The following TDRD5 variants were observed in gnomAD, a reference collection of about 807,000 sequenced individuals.
TDRD5 encodes tudor domain-containing protein 5.
In TDRD5, 41 loss-of-function variants were observed where a neutral mutation model predicts 120.6. That is an observed-to-expected ratio of 0.34 (90% CI 0.26 to 0.44). The LOEUF (loss-of-function observed/expected upper bound fraction) is 0.44, where lower values mean the gene tolerates loss of function less well. Among genes scored for constraint, TDRD5 ranks in the 20% least tolerant of loss-of-function variants. TDRD5 has a pLI of 1.00. For synonymous variants in TDRD5, 430 were observed against 433.7 expected, an observed-to-expected ratio of 0.99 and a Z score of 0.11; for missense variants, 1,006 against 1,221.2, an observed-to-expected ratio of 0.82 and a Z score of 2.63.
At chr1:179,617,995 C>G (rs1175631295) in intron 4 of TDRD5, among the ~76,000 whole-genome samples, 2 of 152,092 alleles carry the variant, frequency 1.3e-5, no homozygotes, top group Non-Finnish European at 2.9e-5. Context: ...TCTGACCTCC[C>G]TCCTCTTTCC....
intron 14 of TDRD5, among the ~76,000 whole-genome samples, chr1:179,659,190 G>A (rs1354737757): frequency 6.6e-6 from 1 of 152,014 alleles, no homozygotes; most frequent in African/African-American, 2.4e-5. Flanking sequence ...AAATGTCCAT[G>A]TGTCTTTGAA....
intron 4 of TDRD5, among the ~76,000 whole-genome samples, chr1:179,612,039 T>C (rs1016657433): frequency 6.6e-6 from 1 of 152,216 alleles, no homozygotes; most frequent in African/African-American, 2.4e-5. Flanking sequence ...TCTATTAGTT[T>C]GTTAGGTGTT....
chr1:179,634,583 A>G lies in TDRD5; in HGVS notation c.1253A>G (p.Gln418Arg), dbSNP rs1677656805. The G allele has an allele frequency of 6.2e-7, 1 of 1,614,028 alleles. No individual in the cohort carries two copies. Among genetic ancestry groups the G allele is most frequent in the Non-Finnish European group, 8.5e-7 (1 of 1,179,990 alleles). ...CPSKKQKEPQQKICKKPNLVV... is the reference protein window; with the variant it reads ...CPSKKQKEPQRKICKKPNLVV... The stretch of plus-strand genomic sequence containing the variant: ...TCAAAAAAACAAAAAGAGCCACAAC[A>G]GAAGATTTGCAAGAAGCCTAATCTG... Residue 418 changes from glutamine to arginine, a missense_variant, in exon 8 of 18, where the codon CAG becomes CGG. Physicochemically the swap from Gln to Arg is conservative, Grantham distance 43. Coordinates refer to ENST00000444136, the MANE Select transcript of TDRD5 (RefSeq NM_001199085.3).
At chr1:179,601,211 C>T (rs1330172404) in intron 4 of TDRD5, among the ~76,000 whole-genome samples, 2 of 151,800 alleles carry the variant, frequency 1.3e-5, no homozygotes, top group African/African-American at 2.4e-5. Context: ...TCTATTTTAC[C>T]TTTTAGTTCA....
intron 11 of TDRD5, among the ~76,000 whole-genome samples, chr1:179,646,229 A>T (rs77247782): frequency 6.6e-6 from 1 of 152,196 alleles, no homozygotes; most frequent in Middle Eastern, 3.2e-3. Flanking sequence ...TACAACATGC[A>T]TAACAATGCA....
At chr1:179,647,323 C>T (rs1293526560) in intron 11 of TDRD5, among the ~76,000 whole-genome samples, 15 of 146,392 alleles carry the variant, frequency 1.0e-4, no homozygotes, top group Non-Finnish European at 1.8e-4. Flanking sequence ...TGATCTTTGA[C>T]GAACCTGAGA....
At chr1:179,624,973 G>C (rs1418634045) in intron 6 of TDRD5, among the ~76,000 whole-genome samples, 1 of 151,944 alleles carries the variant, frequency 6.6e-6, no homozygotes, top group African/African-American at 2.4e-5. Flanking sequence ...ATTCAAAAGG[G>C]ATAAGACAGT....
intron 16 of TDRD5, among the ~76,000 whole-genome samples, chr1:179,666,585 G>T (rs1679563060): frequency 6.6e-6 from 1 of 152,046 alleles, no homozygotes; most frequent in South Asian, 2.1e-4. Flanking sequence ...GTAATTTGTA[G>T]GCTTGCTCCC....
intron 7 of TDRD5, among the ~76,000 whole-genome samples, chr1:179,633,506 C>G (rs1380470238): frequency 6.6e-6 from 1 of 151,942 alleles, no homozygotes; most frequent in Non-Finnish European, 1.5e-5. Flanking sequence ...CGCCTGCCAC[C>G]ATGCCTGGCT....
chr1:179,625,338 T>G (rs1677064828), intron 6 of TDRD5, among the ~76,000 whole-genome samples: 1 of 152,072 alleles, frequency 6.6e-6, no homozygotes, highest in Non-Finnish European at 1.5e-5. Context: ...TTCATCAAAA[T>G]TAGCTTCTAT....
chr1:179,607,862 G>A (rs1337645760), intron 4 of TDRD5, among the ~76,000 whole-genome samples: 1 of 151,756 alleles, frequency 6.6e-6, no homozygotes, highest in Admixed American at 6.6e-5. Flanking sequence ...AAAAAAACTT[G>A]TTTACTTACA....
intron 15 of TDRD5, among the ~76,000 whole-genome samples, chr1:179,663,124 TACAA>T (rs1679396147): frequency 6.6e-6 from 1 of 152,206 alleles, no homozygotes; most frequent in Non-Finnish European, 1.5e-5. Flanking sequence ...AAGGAAAGAC[TACAA>T]ACAGAGTTGT....
At chr1:179,673,865 T>A (rs796302884) in intron 17 of TDRD5, among the ~76,000 whole-genome samples, 1 of 152,210 alleles carries the variant, frequency 6.6e-6, no homozygotes, top group Non-Finnish European at 1.5e-5. Context: ...TCACTGTTGA[T>A]GTATAGCAGA....
intron 7 of TDRD5, among the ~76,000 whole-genome samples, chr1:179,632,531 C>T (rs2102005280): frequency 6.6e-6 from 1 of 152,074 alleles, no homozygotes; most frequent in East Asian, 1.9e-4. Flanking sequence ...TATCCACCCC[C>T]CCAAAATAAT....
intron 4 of TDRD5, among the ~76,000 whole-genome samples, chr1:179,601,963 G>T (rs11807084): frequency 0.047 from 7,137 of 152,238 alleles, 267 homozygotes; most frequent in Non-Finnish European, 0.069. Context: ...ACGCCATCAC[G>T]CCCAGGTAAT....
intron 17 of TDRD5, among the ~76,000 whole-genome samples, chr1:179,673,077 G>T (rs1273944213): frequency 1.3e-5 from 2 of 151,942 alleles, no homozygotes; most frequent in Non-Finnish European, 2.9e-5. Flanking sequence ...TTGGCTATGT[G>T]GGCTCTTTTT....
intron 17 of TDRD5, among the ~76,000 whole-genome samples, chr1:179,684,826 G>T (rs1419954234): frequency 6.6e-6 from 1 of 152,186 alleles, no homozygotes; most frequent in Admixed American, 6.5e-5. Flanking sequence ...TCATGTGTCT[G>T]TTGGCTGCAT....
At chr1:179,683,630 C>T (rs1680543715) in intron 17 of TDRD5, among the ~76,000 whole-genome samples, 1 of 152,130 alleles carries the variant, frequency 6.6e-6, no homozygotes, top group Non-Finnish European at 1.5e-5. Flanking sequence ...GATTATGCCT[C>T]CTTTTTCTCT....
chr1:179,690,030 G>A (rs1232528329), intron 17 of TDRD5, among the ~76,000 whole-genome samples: 1 of 152,252 alleles, frequency 6.6e-6, no homozygotes, highest in African/African-American at 2.4e-5. Context: ...ACCCTGCTTC[G>A]GCTCATGCTC....
Sources: allele counts gnomAD v4.1 joint callset (sites outside exome capture counted in the v4.1 genomes callset), GRCh38; gene constraint gnomAD v4.1.1; transcripts MANE v1.5; gene names NCBI Gene and HGNC (gene_info 2026-07-23, HGNC 2026-07-21).